Variants in VSIR observed in about 807,000 individuals in gnomAD.
VSIR encodes the protein V-set immunoregulatory receptor.
In VSIR, 10 loss-of-function variants were observed where a neutral mutation model predicts 31.0. The observed-to-expected ratio is 0.32, with a 90% CI of 0.20 to 0.55. The LOEUF (loss-of-function observed/expected upper bound fraction) is 0.55, where lower values mean the gene tolerates loss of function less well. Among genes scored for constraint, VSIR ranks in the 20% least tolerant of loss-of-function variants. The probability of loss-of-function intolerance (pLI) is 0.93; values close to 1 mark genes in which losing one functional copy is unlikely to be tolerated. For synonymous variants in VSIR, 179 were observed against 180.1 expected (o/e 0.99, Z 0.05); for missense variants, 356 against 416.2 (o/e 0.86, Z 1.26).
chr10:71,767,479 G>A (rs958671909), intron 1 of VSIR, among the ~76,000 whole-genome samples: 10 of 152,220 alleles, frequency 6.6e-5, no homozygotes, highest in African/African-American at 2.2e-4. Context: ...AAAAGGTCCC[G>A]TCCTTGGTCT....
At position 71,749,499 on chromosome 10, in the gene VSIR, T is replaced by C. The variant is rs368455934; in HGVS notation, c.*1754A>G. The C allele has an allele frequency of 2.0e-5, 3 of 152,372 alleles. No individual in the cohort carries two copies. The highest frequency in any genetic ancestry group is 4.1e-4 in the South Asian group (2 of 4,834). The allele number at this position is 152,372 out of a possible 1,614,324, so 9.4% of individuals were successfully genotyped here. ...CACCCTCTTCCTATGGCAGCTGGCA[T>C]CAAGCATTGTGGTGACCAGAGGGAA... On this transcript the variant is annotated 3_prime_UTR_variant, in exon 7 of 7. Transcript: ENST00000394957.
intron 1 of VSIR, among the ~76,000 whole-genome samples, chr10:71,768,327 C>T (rs1363920484): frequency 6.6e-6 from 1 of 152,178 alleles, no homozygotes; most frequent in Non-Finnish European, 1.5e-5. Context: ...CCCGCCACCA[C>T]GCCTGGCTAA....
At chr10:71,768,981 C>CT (rs1216904401) in intron 1 of VSIR, among the ~76,000 whole-genome samples, 1 of 152,214 alleles carries the variant, frequency 6.6e-6, no homozygotes, top group African/African-American at 2.4e-5. Flanking sequence ...TGCCATCTGA[C>CT]TACTCTCTAG....
rs1429045691 is a variant in VSIR at position 71,771,769 on chromosome 10, T to C, written c.82+1589A>G. ...AAGGCCCCTGGCCATATAAGCAATA[T>C]AGGGGAAGGCGTCCTGAGCTCCTCT... On this transcript the variant is annotated intron_variant, in intron 1 of 6. Transcript: ENST00000394957. 2.6e-5 allele frequency among the ~76,000 whole-genome samples: 4 copies of C among 152,140 alleles called. No individual in the cohort carries two copies. In the South Asian group the frequency reaches 8.3e-4, roughly 31 times the overall value.
Position 71,753,128 on chromosome 10 carries a change from G to A in VSIR, c.677-126C>T, listed in dbSNP as rs1366513347. 29 of 1,120,798 alleles carry A rather than the reference G, an allele frequency of 2.6e-5. No individual in the cohort carries two copies. In the South Asian group the frequency reaches 3.3e-4, roughly 13 times the overall value. The allele number at this position is 1,120,798 out of a possible 1,614,324, so 69.4% of individuals were successfully genotyped here. Reference sequence around the variant, plus strand: ...GCCCAGGAGGGCCCTGCACAGCTCCGGACTCCATTTCTTTTCACATGGGTG... The same window carrying A: ...GCCCAGGAGGGCCCTGCACAGCTCCAGACTCCATTTCTTTTCACATGGGTG... On this transcript the variant is annotated intron_variant, in intron 4 of 6. Transcript: ENST00000394957.
rs1299951164 is a variant in VSIR, at chr10:71,751,630, T to C, written c.898+38A>G. The C allele has an allele frequency of 1.3e-6, 2 of 1,505,224 alleles. No homozygotes were observed. Among genetic ancestry groups the C allele is most frequent in the Non-Finnish European group, 1.8e-6 (2 of 1,124,770 alleles). The allele number at this position is 1,505,224 out of a possible 1,614,324, so 93.2% of individuals were successfully genotyped here. A position where few individuals can be genotyped will look rare whatever the true frequency, so the allele number is the denominator to read the frequency against. On this transcript the variant is annotated intron_variant, in intron 6 of 6. Coordinates refer to ENST00000394957, the MANE Select transcript of VSIR (RefSeq NM_022153.2). The surrounding 1 kb of genome is among the most constrained non-coding windows in gnomAD (Gnocchi z 4.9). ...CCTGCAGGCCATGAGGTCATGACCTTACAGGTCATCGTGCTGTGAAGGTCA... is the reference window on the plus strand; with the variant it reads ...CCTGCAGGCCATGAGGTCATGACCTCACAGGTCATCGTGCTGTGAAGGTCA...
chr10:71,752,333 T>C (rs1342288140), intron 5 of VSIR, among the ~76,000 whole-genome samples: 1 of 152,214 alleles, frequency 6.6e-6, no homozygotes, highest in African/African-American at 2.4e-5. Context: ...AGATTCTAGA[T>C]GAGTTGCAAG....
At chr10:71,765,774 C>T (rs1840525608) in intron 1 of VSIR, among the ~76,000 whole-genome samples, 1 of 152,094 alleles carries the variant, frequency 6.6e-6, no homozygotes, top group Non-Finnish European at 1.5e-5. Context: ...GAGTTGTTCC[C>T]CTTTTAGAAA....
chr10:71,751,708 CA>C lies in VSIR; in HGVS notation c.857del (p.Leu286ArgfsTer51), dbSNP rs765834365. 7 of 1,567,486 alleles carry C rather than the reference CA, an allele frequency of 4.5e-6. No homozygotes were observed. The stretch of plus-strand genomic sequence containing the variant: ...AGACGTCTCCGGGGCCTGGAGGAGA[CA>C]GGGGGGTGCTGGGCTCCGAAAGCAG... The part of the protein sequence containing the change: ...RHLLSEPSTP[L>X]SPPGPGDVFF... On this transcript the variant is annotated frameshift_variant, in exon 6 of 7. Coordinates refer to ENST00000394957, the MANE Select transcript of VSIR (RefSeq NM_022153.2). LOFTEE classifies it high-confidence loss of function. This position sits in a 1 kb window ranked among gnomAD's most constrained non-coding sequence, Gnocchi z 4.9.
chr10:71,769,614 A>G (rs2132908117), intron 1 of VSIR, among the ~76,000 whole-genome samples: 1 of 152,372 alleles, frequency 6.6e-6, no homozygotes, highest in African/African-American at 2.4e-5. Flanking sequence ...AGCCTCACTG[A>G]GACCACGTCA....
chr10:71,752,953 A>G (rs762441318), intron 5 of VSIR, 22 bp downstream of exon 5: 2 of 1,611,880 alleles, frequency 1.2e-6, no homozygotes, highest in Non-Finnish European at 8.5e-7. Flanking sequence ...AGTTTTCTCA[A>G]GAAGGTCTCC....
At chr10:71,757,824 C>T (rs1304626097) in intron 3 of VSIR, among the ~76,000 whole-genome samples, 1 of 152,180 alleles carries the variant, frequency 6.6e-6, no homozygotes, top group Non-Finnish European at 1.5e-5. Flanking sequence ...GCAGACAGCA[C>T]ATTCTGCTGC....
chr10:71,751,974 A>C lies in VSIR; in HGVS notation c.705-113T>G. Reference sequence around the variant, plus strand: ...TCTCTCACCTACATCCCCATCCCCAAGCCTCAGCAGCATCTCCAAGCAAGA... The same window carrying C: ...TCTCTCACCTACATCCCCATCCCCACGCCTCAGCAGCATCTCCAAGCAAGA... On this transcript the variant is annotated intron_variant, in intron 5 of 6. Transcript: ENST00000394957. This position sits in a 1 kb window ranked among gnomAD's most constrained non-coding sequence, Gnocchi z 4.9. The C allele has an allele frequency of 8.7e-7, 1 of 1,143,314 alleles. No homozygotes were observed. Among genetic ancestry groups the C allele is most frequent in the Non-Finnish European group, 1.3e-6 (1 of 790,880 alleles). 70.8% of individuals were successfully genotyped at this position (1,143,314 alleles called of 1,614,324 possible). A position where few individuals can be genotyped will look rare whatever the true frequency, so the allele number is the denominator to read the frequency against.
At chr10:71,752,500 A>C (rs996610995) in intron 5 of VSIR, among the ~76,000 whole-genome samples, 4 of 152,118 alleles carry the variant, frequency 2.6e-5, no homozygotes, top group Non-Finnish European at 4.4e-5. Flanking sequence ...GCACACCAAT[A>C]CACAGTCCCC....
chr10:71,767,584 A>G (rs1394700850), intron 1 of VSIR, among the ~76,000 whole-genome samples: 2 of 152,160 alleles, frequency 1.3e-5, no homozygotes, highest in Non-Finnish European at 2.9e-5. Context: ...GGGCTGTAGG[A>G]AAAGACTATG....
chr10:71,755,517 C>G, intron 3 of VSIR, 51 bp from the exon 4 acceptor site: 1 of 1,514,804 alleles, frequency 6.6e-7, no homozygotes, highest in Non-Finnish European at 9.0e-7. Context: ...CATTGCTCCT[C>G]CTGAGCATAA....
At position 71,773,314 on chromosome 10, in the gene VSIR, C is replaced by T. The variant is rs80354989; in HGVS notation, c.82+44G>A. ...CACAGTTCCCACTCCAGTCTGCTGT[C>T]TTCTCCCAGCTTTTTCCCAGCGCCC... On this transcript the variant is annotated intron_variant, in intron 1 of 6. Coordinates refer to ENST00000394957, the MANE Select transcript of VSIR (RefSeq NM_022153.2). 1,484 of 1,560,146 alleles carry T rather than the reference C, an allele frequency of 9.5e-4. 14 individuals carry two copies. In the African/African-American group the frequency reaches 0.018, roughly 19 times the overall value.
intron 1 of VSIR, among the ~76,000 whole-genome samples, chr10:71,763,423 CA>C (rs1450144304): frequency 2.0e-5 from 3 of 152,254 alleles, no homozygotes; most frequent in African/African-American, 7.2e-5. Context: ...TTGCCCCAGC[CA>C]GGGGCATTGC....
chr10:71,751,818 G>T lies in VSIR; in HGVS notation c.748C>A (p.Pro250Thr), dbSNP rs764702023. Residue 250 changes from proline (P) to threonine (T), a missense_variant, in exon 6 of 7, where the codon CCT becomes ACT. Coordinates refer to ENST00000394957, the MANE Select transcript of VSIR (RefSeq NM_022153.2). This position sits in a 1 kb window ranked among gnomAD's most constrained non-coding sequence, Gnocchi z 4.9. ...TTGGCCTCGGGTATCCCCTGGGCAG[G>T]TGGTGAGGCTTCAAAGCCGGGGTTT... ...IENPGFEASPPAQGIPEAKVR... is the reference protein window; with the variant it reads ...IENPGFEASPTAQGIPEAKVR... 7.0e-6 allele frequency: 11 copies of T among 1,575,760 alleles called. No individual in the cohort carries two copies. In the East Asian group the frequency reaches 2.5e-4, roughly 36 times the overall value.
Sources: allele counts gnomAD v4.1 joint callset (sites outside exome capture counted in the v4.1 genomes callset), GRCh38; gene constraint gnomAD v4.1.1; non-coding constraint Gnocchi (gnomAD v3.1); transcripts MANE v1.5; gene names NCBI Gene and HGNC (gene_info 2026-07-23, HGNC 2026-07-21).